ANKLE2: variants seen among roughly 807,000 people sequenced by gnomAD.
ANKLE2 encodes ankyrin repeat and LEM domain-containing protein 2.
Under a neutral mutation model 84.2 loss-of-function variants are expected in ANKLE2, and 55 were observed. The observed-to-expected ratio is 0.65, with a 90% CI of 0.53 to 0.82. The LOEUF (loss-of-function observed/expected upper bound fraction) is 0.82, where lower values mean the gene tolerates loss of function less well. Among genes scored for constraint, ANKLE2 ranks in the 40% least tolerant of loss-of-function variants. ANKLE2 has a pLI of 0.00. For missense variants in ANKLE2, 1,238 were observed against 1,201.9 expected (o/e 1.03, Z -0.44); for synonymous variants, 551 against 486.1 (o/e 1.13, Z -1.76).
At chr12:132,756,167 C>G (rs1443733574) in intron 1 of ANKLE2, 1 of 151,842 alleles carries the variant, frequency 6.6e-6, no homozygotes, top group African/African-American at 2.4e-5. Context: ...GTCGGGAGTT[C>G]GAGACCAGCC....
chr12:132,754,926 A>G lies in ANKLE2; in HGVS notation c.389T>C (p.Leu130Pro). The change falls in exon 2 of 13, where the codon CTC (leucine) becomes CCC (proline). Residue 130 changes from leucine (L) to proline (P), a missense_variant. Leu to Pro is a moderately conservative substitution (Grantham distance 98, BLOSUM62 -3). This residue lies in a region of ANKLE2 where 422 missense variants were observed against 394.5 expected (regional missense o/e 1.07). Coordinates refer to ENST00000357997, the MANE Select transcript of ANKLE2 (RefSeq NM_015114.3). ...CAAAATCCTTTGTGGGTCCTGGCTG[A>G]GAGCTGTGACACCTGCCTCATGGTG... ...FYHHEAGVTA[L>P]SQDPQRILKP... 6.2e-7 allele frequency: 1 copy of G among 1,614,186 alleles called. No individual in the cohort carries two copies. Among genetic ancestry groups the G allele is most frequent in the Non-Finnish European group, 8.5e-7 (1 of 1,180,028 alleles).
intron 10 of ANKLE2, chr12:132,733,880 T>A: frequency 2.2e-6 from 1 of 444,776 alleles, no homozygotes; most frequent in South Asian, 1.6e-5. Flanking sequence ...CGGCACAGAA[T>A]GAAACTATAT....
intron 2 of ANKLE2, among the ~76,000 whole-genome samples, chr12:132,752,062 CG>C (rs2044369196): frequency 6.6e-6 from 1 of 152,166 alleles, no homozygotes; most frequent in Admixed American, 6.5e-5. Flanking sequence ...AGCCATAGTT[CG>C]GGCACGGTGG....
At position 132,755,030 on chromosome 12, in the gene ANKLE2, T is replaced by C. The variant is rs374530048; in HGVS notation, c.285A>G (p.Thr95=). 1.9e-6 allele frequency: 3 copies of C among 1,614,202 alleles called. No individual in the cohort carries two copies. Among genetic ancestry groups the C allele is most frequent in the Non-Finnish European group, 2.5e-6 (3 of 1,180,048 alleles). Reference sequence around the variant, plus strand: ...TCTCAAAAATGAACCTTGTAGTTGATGTAATGGGTCCACATTTCAATCCGG... The same window carrying C: ...TCTCAAAAATGAACCTTGTAGTTGACGTAATGGGTCCACATTTCAATCCGG... ...VKAGLKCGPI[T]STTRFIFEKK... Residue 95 remains threonine, a synonymous_variant, in exon 2 of 13, where the codon ACA becomes ACG. Transcript: ENST00000357997.
chr12:132,732,991 C>T (rs1463769071), intron 10 of ANKLE2, among the ~76,000 whole-genome samples: 3 of 137,528 alleles, frequency 2.2e-5, no homozygotes, highest in East Asian at 4.5e-4. Context: ...AAGCGCTCTG[C>T]GTCCTGGTGT....
chr12:132,750,987 GA>G, intron 2 of ANKLE2, 138 bp from the exon 3 acceptor site: 1 of 734,210 alleles, frequency 1.4e-6, no homozygotes, highest in Non-Finnish European at 2.2e-6. Flanking sequence ...TAATCCTGAA[GA>G]AAAAGGGCCT....
chr12:132,751,906 A>G (rs1329872368), intron 2 of ANKLE2, among the ~76,000 whole-genome samples: 5 of 152,206 alleles, frequency 3.3e-5, no homozygotes, highest in African/African-American at 1.2e-4. Context: ...TTATATAAAA[A>G]TATTAAAGCT....
Position 132,741,491 on chromosome 12 carries a change from G to A in ANKLE2, c.1354-6C>T, listed in dbSNP as rs1160917202. Reference sequence around the variant, plus strand: ...TTGCTTCTTTCACAAATTACCTATTGGAAAAAAAAGTGTGTCTAAATCTTA... The same window carrying A: ...TTGCTTCTTTCACAAATTACCTATTAGAAAAAAAAGTGTGTCTAAATCTTA... On this transcript the variant is annotated splice_polypyrimidine_tract_variant and splice_region_variant and intron_variant, in intron 6 of 12. Coordinates refer to ENST00000357997, the MANE Select transcript of ANKLE2 (RefSeq NM_015114.3). The A allele has an allele frequency of 5.0e-6, 8 of 1,611,970 alleles. No individual in the cohort carries two copies. The South Asian group carries it at 7.7e-5, about 16-fold the overall frequency.
chr12:132,734,687 G>A, intron 9 of ANKLE2, 112 bp from the exon 10 acceptor site: 3 of 1,115,896 alleles, frequency 2.7e-6, no homozygotes, highest in Non-Finnish European at 3.8e-6. Context: ...TGCAATCATG[G>A]TTATAATTTT....
At chr12:132,737,195 G>A (rs2044030328) in intron 7 of ANKLE2, 130 bp from the exon 8 acceptor site, 8 of 988,448 alleles carry the variant, frequency 8.1e-6, no homozygotes, top group Non-Finnish European at 1.1e-5. Flanking sequence ...CGGGGCAGAG[G>A]GTGGTTTCCG....
rs1005467075 is a variant in ANKLE2 at position 132,743,160 on chromosome 12, A to C, written c.1347T>G (p.Pro449=). The part of the protein sequence containing the change: ...KNSRNKYDKT[P]EDVICERSKN... The stretch of plus-strand genomic sequence containing the variant: ...CATTGTAATAAGTACTTACATCTTC[A>C]GGTGTTTTATCATATTTATTCCTTG... The change falls in exon 6 of 13, where the codon CCT becomes CCG. Residue 449 remains proline (P), a synonymous_variant. Coordinates refer to ENST00000357997, the MANE Select transcript of ANKLE2 (RefSeq NM_015114.3). This position sits in a 1 kb window ranked among gnomAD's most constrained non-coding sequence, Gnocchi z 4.1. The C allele has an allele frequency of 6.2e-6, 10 of 1,604,488 alleles. No individual in the cohort carries two copies. Among genetic ancestry groups the C allele is most frequent in the Middle Eastern group, 1.7e-4 (1 of 6,034 alleles).
At chr12:132,741,203 C>T (rs2044115426) in intron 7 of ANKLE2, among the ~76,000 whole-genome samples, 1 of 152,202 alleles carries the variant, frequency 6.6e-6, no homozygotes, top group Non-Finnish European at 1.5e-5. Context: ...GCTCAAGGAA[C>T]AGATACAAGA....
At position 132,761,428 on chromosome 12, in the gene ANKLE2, G is replaced by A. The variant is rs2044622685; in HGVS notation, c.181+190C>T. 1.6e-5 allele frequency: 7 copies of A among 438,284 alleles called. 1 individual carries two copies. The South Asian group carries it at 7.0e-4, about 44-fold the overall frequency. The allele number at this position is 438,284 out of a possible 1,614,324, so 27.1% of individuals were successfully genotyped here. ...GGCGTGGCCCCTCCGCCCCCGGCCCGGGAAGCCAAGTCCCCGCAACTGCCC... is the reference window on the plus strand; with the variant it reads ...GGCGTGGCCCCTCCGCCCCCGGCCCAGGAAGCCAAGTCCCCGCAACTGCCC... On this transcript the variant is annotated intron_variant, in intron 1 of 12. Coordinates refer to ENST00000357997, the MANE Select transcript of ANKLE2 (RefSeq NM_015114.3).
chr12:132,760,276 C>T lies in ANKLE2; in HGVS notation c.181+1342G>A, dbSNP rs2044597977. 5.3e-5 allele frequency: 8 copies of T among 152,304 alleles called. No individual in the cohort carries two copies. The South Asian group carries it at 1.7e-3, about 32-fold the overall frequency. The allele number at this position is 152,304 out of a possible 1,614,324, so 9.4% of individuals were successfully genotyped here. A position where few individuals can be genotyped will look rare whatever the true frequency, so the allele number is the denominator to read the frequency against. On this transcript the variant is annotated intron_variant, in intron 1 of 12. Transcript: ENST00000357997. ...AGAGTAAAAACAAACTCAGTTTCTC[C>T]CACTAGTCTTGCAACATGCTTCGGA...
At chr12:132,747,804 A>C (rs771849934) in intron 5 of ANKLE2, 28 bp downstream of exon 5, 7 of 1,554,798 alleles carry the variant, frequency 4.5e-6, no homozygotes, top group East Asian at 4.5e-5. Context: ...TTAAATAAAG[A>C]AAGCGTGAGT....
intron 10 of ANKLE2, among the ~76,000 whole-genome samples, chr12:132,733,052 G>A (rs1290707624): frequency 7.0e-5 from 10 of 141,850 alleles, no homozygotes; most frequent in East Asian, 2.1e-4. Flanking sequence ...GATATGCACC[G>A]TGAAGCGCTC....
At chr12:132,730,444 T>TAC (rs1326304649) in intron 10 of ANKLE2, 174 bp from the exon 11 acceptor site, 176 of 548,128 alleles carry the variant, frequency 3.2e-4, no homozygotes, top group African/African-American at 8.5e-4. Context: ...AACTCTTGCA[T>TAC]CCAAAACCTC....
At chr12:132,733,553 G>T (rs188365699) in intron 10 of ANKLE2, among the ~76,000 whole-genome samples, 4 of 140,210 alleles carry the variant, frequency 2.9e-5, no homozygotes, top group Non-Finnish European at 3.1e-5. Flanking sequence ...CGTGTGAAGC[G>T]CTCTGCATCC....
chr12:132,744,422 A>G (rs1273701458), intron 5 of ANKLE2, among the ~76,000 whole-genome samples: 1 of 152,098 alleles, frequency 6.6e-6, no homozygotes, highest in African/African-American at 2.4e-5. Context: ...AAGCTTCTGC[A>G]CAGGGAAGAA....
Sources: gnomAD v4.1 joint callset for allele counts (sites outside exome capture counted in the v4.1 genomes callset) on GRCh38, gnomAD v4.1.1 for gene constraint, gnomAD v4.1.1 regional missense constraint, Gnocchi (gnomAD v3.1) non-coding constraint, MANE v1.5 for transcripts, NCBI Gene and HGNC (gene_info 2026-07-23, HGNC 2026-07-21) for gene names.